Variants in GGTA1 observed in about 807,000 individuals in gnomAD.
GGTA1 encodes inactive N-acetyllactosaminide alpha-1,3-galactosyltransferase.
GGTA1 carries 5 observed loss-of-function variants against 2.6 expected under a neutral mutation model. The observed-to-expected ratio is 1.92, with a 90% CI of 1.00 to 4.04. The LOEUF (loss-of-function observed/expected upper bound fraction) is 4.04. Among genes scored for constraint, GGTA1 ranks in the 30% most tolerant of loss-of-function variants. The pLI is 0.00. For missense variants in GGTA1, 50 were observed against 16.7 expected, an observed-to-expected ratio of 2.99 and a Z score of -3.47; for synonymous variants, 17 against 5.0, an observed-to-expected ratio of 3.38 and a Z score of -3.19.
chr9:121,490,694 G>A (rs1828855443), intron 1 of GGTA1, among the ~76,000 whole-genome samples: 2 of 152,226 alleles, frequency 1.3e-5, no homozygotes, highest in Admixed American at 1.3e-4. Flanking sequence ...GCTAGAATTA[G>A]CTCCTATACA....
At chr9:121,475,219 T>A (rs1001850096) in intron 1 of GGTA1, among the ~76,000 whole-genome samples, 11 of 152,268 alleles carry the variant, frequency 7.2e-5, no homozygotes, top group African/African-American at 2.6e-4. Flanking sequence ...CTGGTCCTCC[T>A]CACTGCTACA....
intron 7 of GGTA1, among the ~76,000 whole-genome samples, chr9:121,448,919 T>C (rs1310565797): frequency 6.6e-6 from 1 of 152,250 alleles, no homozygotes; most frequent in East Asian, 1.9e-4. Flanking sequence ...ACCATTATAG[T>C]ATCATACAAA....
intron 1 of GGTA1, among the ~76,000 whole-genome samples, chr9:121,481,767 C>T (rs1222104889): frequency 6.7e-6 from 1 of 149,038 alleles, no homozygotes. Context: ...GAGGCTGAGG[C>T]GGGTGGATCA....
chr9:121,462,223 G>T (rs2064965988), intron 3 of GGTA1, among the ~76,000 whole-genome samples: 1 of 152,158 alleles, frequency 6.6e-6, no homozygotes, highest in South Asian at 2.1e-4. Context: ...TACTCAAGAG[G>T]CTGAGGCGGG....
At chr9:121,493,262 C>G (rs1828909269) in intron 1 of GGTA1, among the ~76,000 whole-genome samples, 1 of 152,128 alleles carries the variant, frequency 6.6e-6, no homozygotes, top group South Asian at 2.1e-4. Context: ...AGGAGCCCTG[C>G]TATGCCCCAG....
At chr9:121,496,415 A>T (rs1828993010) in intron 1 of GGTA1, among the ~76,000 whole-genome samples, 1 of 151,722 alleles carries the variant, frequency 6.6e-6, no homozygotes, top group South Asian at 2.1e-4. Context: ...TTCTCCAAAA[A>T]CTCTTAAAAT....
At chr9:121,478,247 A>G (rs530745732) in intron 1 of GGTA1, among the ~76,000 whole-genome samples, 16 of 152,316 alleles carry the variant, frequency 1.1e-4, no homozygotes, top group Middle Eastern at 3.4e-3. Flanking sequence ...TCCTTGGACC[A>G]GCTGGTGAGC....
chr9:121,457,687 C>T (rs7873443), intron 5 of GGTA1, among the ~76,000 whole-genome samples: 3,314 of 125,410 alleles, frequency 0.026, 127 homozygotes, highest in African/African-American at 0.092. Context: ...GGCAACAAAG[C>T]GAGAATCCAT....
intron 2 of GGTA1, 44 bp downstream of exon 2, chr9:121,467,799 A>AGCC (rs1357742517): frequency 4.4e-6 from 2 of 450,536 alleles, no homozygotes; most frequent in African/African-American, 4.0e-5. Flanking sequence ...ATAGAATCAA[A>AGCC]GCAGTATTTT....
chr9:121,477,365 A>G (rs898957014), intron 1 of GGTA1, among the ~76,000 whole-genome samples: 1 of 152,238 alleles, frequency 6.6e-6, no homozygotes, highest in Non-Finnish European at 1.5e-5. Flanking sequence ...GTGGCAGTCA[A>G]AGAGTATGTA....
intron 1 of GGTA1, among the ~76,000 whole-genome samples, chr9:121,497,723 C>T (rs555020069): frequency 6.6e-6 from 1 of 152,080 alleles, no homozygotes; most frequent in African/African-American, 2.4e-5. Context: ...GGCCAGGGAA[C>T]CTCATTATTT....
downstream of GGTA1, among the ~76,000 whole-genome samples, chr9:121,450,738 C>T (rs2064874214): frequency 6.6e-6 from 1 of 152,150 alleles, no homozygotes; most frequent in Admixed American, 6.5e-5. Flanking sequence ...AGGTGGCTCC[C>T]AACCTATATG....
exon 8 of GGTA1, chr9:121,447,044 A>G (rs999538768): frequency 2.0e-5 from 3 of 152,578 alleles, no homozygotes; most frequent in African/African-American, 4.8e-5. Context: ...TGAGAAGGAA[A>G]TACTTGTTTA....
intron 1 of GGTA1, among the ~76,000 whole-genome samples, chr9:121,486,674 C>T (rs1000532709): frequency 1.3e-5 from 2 of 152,222 alleles, no homozygotes; most frequent in Admixed American, 1.3e-4. Flanking sequence ...TGTGGCCCTA[C>T]AAATGTCTTA....
chr9:121,454,728 A>G (rs555655505), downstream of GGTA1, among the ~76,000 whole-genome samples: 1 of 152,248 alleles, frequency 6.6e-6, no homozygotes, highest in Admixed American at 6.5e-5. Context: ...CACTTAAAAA[A>G]TAAGCCGGGC....
downstream of GGTA1, among the ~76,000 whole-genome samples, chr9:121,452,963 C>T (rs948046166): frequency 2.0e-5 from 3 of 152,196 alleles, no homozygotes; most frequent in South Asian, 2.1e-4. Flanking sequence ...ACTAGTAGCA[C>T]CTTTGGGTGT....
chr9:121,460,558 T>G (rs763148648), intron 4 of GGTA1, among the ~76,000 whole-genome samples: 2 of 152,156 alleles, frequency 1.3e-5, no homozygotes, highest in Non-Finnish European at 2.9e-5. Flanking sequence ...AATCTAAACT[T>G]TAGCCCAGGC....
At chr9:121,466,347 G>A (rs1212156688) in intron 2 of GGTA1, among the ~76,000 whole-genome samples, 3 of 152,138 alleles carry the variant, frequency 2.0e-5, no homozygotes, top group African/African-American at 7.2e-5. Context: ...GCCTAAGAGA[G>A]TTCCAGGGTC....
At chr9:121,493,213 C>T (rs546631102) in intron 1 of GGTA1, among the ~76,000 whole-genome samples, 2 of 151,990 alleles carry the variant, frequency 1.3e-5, no homozygotes, top group African/African-American at 4.8e-5. Context: ...TCCTGCTTTT[C>T]ACTCTCTCTG....
Sources: gnomAD v4.1 joint callset for allele counts (sites outside exome capture counted in the v4.1 genomes callset) on GRCh38, gnomAD v4.1.1 for gene constraint, MANE v1.5 for transcripts, NCBI Gene and HGNC (gene_info 2026-07-23, HGNC 2026-07-21) for gene names.